The following UNC13C variants were observed in gnomAD, a reference collection of about 807,000 sequenced individuals.
UNC13C encodes the protein unc-13 homolog C, also known as protein unc-13 homolog C.
Under a neutral mutation model 245.4 loss-of-function variants are expected in UNC13C, and 174 were observed. The observed-to-expected ratio is 0.71, with a 90% CI of 0.63 to 0.80. The LOEUF (loss-of-function observed/expected upper bound fraction) is 0.80. UNC13C is among the 30% of genes least tolerant of loss of function. The pLI is 0.00. For synonymous variants in UNC13C, 992 were observed against 895.1 expected (o/e 1.11, Z -1.93); for missense variants, 2,829 against 2,602.9 (o/e 1.09, Z -1.89).
At chr15:54,114,762 A>G (rs2141181984) in intron 2 of UNC13C, among the ~76,000 whole-genome samples, 1 of 152,282 alleles carries the variant, frequency 6.6e-6, no homozygotes, top group East Asian at 1.9e-4. Context: ...AGATATTGCT[A>G]TTTATTTCTT....
intron 17 of UNC13C, among the ~76,000 whole-genome samples, chr15:54,384,683 GCTT>G (rs1427419778): frequency 2.6e-5 from 4 of 151,926 alleles, no homozygotes; most frequent in Non-Finnish European, 5.9e-5. Context: ...AAAGTTAAAA[GCTT>G]CTGCACAACA....
chr15:54,231,535 T>C (rs1212195699), intron 4 of UNC13C, among the ~76,000 whole-genome samples: 1 of 151,980 alleles, frequency 6.6e-6, no homozygotes, highest in African/African-American at 2.4e-5. Context: ...AGAGAAATAA[T>C]TGTACCTATA....
chr15:53,866,406 A>G, the UNC13C span, among the ~76,000 whole-genome samples: 1 of 152,224 alleles, frequency 6.6e-6, no homozygotes, highest in African/African-American at 2.4e-5. Context: ...AGACAACACA[A>G]TATGCAACAT....
At chr15:54,113,788 T>A (rs568761760) in intron 2 of UNC13C, among the ~76,000 whole-genome samples, 9 of 152,212 alleles carry the variant, frequency 5.9e-5, no homozygotes, top group Non-Finnish European at 1.2e-4. Context: ...ATCGCACCAC[T>A]GCACTCCAGC....
chr15:54,426,730 G>T (rs2140968741), intron 19 of UNC13C, among the ~76,000 whole-genome samples: 1 of 151,850 alleles, frequency 6.6e-6, no homozygotes, highest in East Asian at 2.0e-4. Context: ...AGTCAGACAG[G>T]ATGAGTACGA....
At chr15:54,558,780 A>C (rs529017368) in intron 29 of UNC13C, among the ~76,000 whole-genome samples, 1 of 152,086 alleles carries the variant, frequency 6.6e-6, no homozygotes, top group East Asian at 1.9e-4. Context: ...ACAATGTTTG[A>C]AAGTAAAAGT....
intron 4 of UNC13C, among the ~76,000 whole-genome samples, chr15:54,180,396 A>C (rs751006179): frequency 2.0e-5 from 3 of 152,052 alleles, no homozygotes; most frequent in Non-Finnish European, 4.4e-5. Context: ...TGTTTATCCA[A>C]TCCACCGTGG....
the UNC13C span, among the ~76,000 whole-genome samples, chr15:53,910,373 G>A: frequency 1.0e-4 from 15 of 146,028 alleles, 1 homozygote; most frequent in African/African-American, 3.7e-4. Flanking sequence ...ACTGAGTTTG[G>A]CATGCAAGCA....
intron 5 of UNC13C, among the ~76,000 whole-genome samples, chr15:54,235,628 G>A (rs752824959): frequency 5.3e-5 from 8 of 152,026 alleles, no homozygotes; most frequent in South Asian, 2.1e-4. Flanking sequence ...CGAGGCGGGC[G>A]GATCATGAGG....
chr15:54,289,557 A>G (rs1457207343), intron 10 of UNC13C, among the ~76,000 whole-genome samples: 2 of 151,994 alleles, frequency 1.3e-5, no homozygotes, highest in Non-Finnish European at 2.9e-5. Flanking sequence ...GTTAGTGAGT[A>G]TTCTTAGTTG....
rs74826297 is a variant in UNC13C at position 54,487,196 on chromosome 15, C to T, written c.4934-7412C>T. 3.3e-3 allele frequency among the ~76,000 whole-genome samples: 505 copies of T among 152,224 alleles called. 2 individuals are homozygous for T. The highest frequency in any genetic ancestry group is 0.012 in the African/African-American group (487 of 41,544). ...TTCCTGGTTTAATGAACCCAGGGAT[C>T]CTGGATTCATTCCGGGTTTCTGCTG... On this transcript the variant is annotated intron_variant, in intron 19 of 32. Transcript: ENST00000260323.
At chr15:54,617,849 G>GAGCTT (rs1472912095) in intron 30 of UNC13C, among the ~76,000 whole-genome samples, 1 of 152,046 alleles carries the variant, frequency 6.6e-6, no homozygotes, top group East Asian at 1.9e-4. Flanking sequence ...TGGGGCAGAT[G>GAGCTT]AGCTTGATAT....
the UNC13C span, among the ~76,000 whole-genome samples, chr15:53,861,919 T>A: frequency 6.6e-6 from 1 of 152,110 alleles, no homozygotes; most frequent in Non-Finnish European, 1.5e-5. Flanking sequence ...ATCTTGTCCC[T>A]CCAACTCAGT....
intron 26 of UNC13C, among the ~76,000 whole-genome samples, chr15:54,539,803 C>A (rs1896161633): frequency 6.6e-6 from 1 of 152,056 alleles, no homozygotes; most frequent in African/African-American, 2.4e-5. Context: ...ATTTCACCAT[C>A]TATAAAACGG....
chr15:54,135,416 T>G (rs2031677715), intron 2 of UNC13C, among the ~76,000 whole-genome samples: 1 of 152,230 alleles, frequency 6.6e-6, no homozygotes, highest in Non-Finnish European at 1.5e-5. Flanking sequence ...CTTAAACTTT[T>G]ATCTTGGAGC....
intron 8 of UNC13C, among the ~76,000 whole-genome samples, chr15:54,259,068 A>T (rs2036354458): frequency 6.6e-6 from 1 of 152,254 alleles, no homozygotes; most frequent in Non-Finnish European, 1.5e-5. Flanking sequence ...ACATAGTAGA[A>T]GGGGCAAGTG....
chr15:54,453,521 G>T (rs1051140356), intron 19 of UNC13C, among the ~76,000 whole-genome samples: 2 of 152,114 alleles, frequency 1.3e-5, no homozygotes, highest in African/African-American at 4.8e-5. Context: ...CCTATATTTG[G>T]ATAATCAGGT....
intron 4 of UNC13C, among the ~76,000 whole-genome samples, chr15:54,187,376 C>A (rs950182732): frequency 2.0e-5 from 3 of 152,144 alleles, no homozygotes; most frequent in African/African-American, 7.2e-5. Flanking sequence ...GATCCTACTA[C>A]TCAGACTTCT....
At chr15:54,324,651 T>TA (rs36107767) in intron 14 of UNC13C, among the ~76,000 whole-genome samples, 7 of 149,650 alleles carry the variant, frequency 4.7e-5, no homozygotes, top group African/African-American at 1.5e-4. Context: ...ACCCTGTCTC[T>TA]AAAAAAAAAG....
Sources: gnomAD v4.1 joint callset for allele counts (sites outside exome capture counted in the v4.1 genomes callset) on GRCh38, gnomAD v4.1.1 for gene constraint, MANE v1.5 for transcripts, NCBI Gene and HGNC (gene_info 2026-07-23, HGNC 2026-07-21) for gene names.